MAOB: variants seen among roughly 807,000 people sequenced by gnomAD.
MAOB encodes monoamine oxidase B, also known as amine oxidase [flavin-containing] B.
A neutral mutation model predicts 41.9 loss-of-function variants in MAOB; 15 were observed. That is an observed-to-expected ratio of 0.36 (90% CI 0.24 to 0.55). The LOEUF (loss-of-function observed/expected upper bound fraction) is 0.55. Among genes scored for constraint, MAOB ranks in the 20% least tolerant of loss-of-function variants. MAOB has a pLI of 0.86. For missense variants in MAOB, 345 were observed against 398.7 expected (o/e 0.87, Z 1.15); for synonymous variants, 167 against 144.2 (o/e 1.16, Z -1.13).
intron 1 of MAOB, among the ~76,000 whole-genome samples, chrX:43,854,640 G>T (rs892007863): frequency 1.8e-5 from 2 of 111,680 alleles, no homozygotes; most frequent in Non-Finnish European, 3.8e-5. Flanking sequence ...TAACAAACCT[G>T]CATGTTCTGC....
chrX:43,834,819 C>T (rs987207779), intron 3 of MAOB, among the ~76,000 whole-genome samples: 1 of 112,344 alleles, frequency 8.9e-6, no homozygotes, highest in African/African-American at 3.2e-5. Context: ...TTGTTTCTGC[C>T]CACTGGGAAG....
intron 1 of MAOB, among the ~76,000 whole-genome samples, chrX:43,855,902 G>A (rs906245421): frequency 4.5e-5 from 5 of 111,459 alleles, no homozygotes; most frequent in African/African-American, 1.6e-4. Flanking sequence ...CCCTGCTTTA[G>A]TCTACAGTCG....
intron 9 of MAOB, among the ~76,000 whole-genome samples, 184 bp from the exon 10 acceptor site, chrX:43,780,579 C>A (rs1056636877): frequency 2.7e-5 from 3 of 112,083 alleles, no homozygotes. Context: ...CACTGAAGAG[C>A]ACTTTCTAAC....
intron 1 of MAOB, among the ~76,000 whole-genome samples, chrX:43,845,305 A>G (rs910274778): frequency 1.8e-5 from 2 of 112,043 alleles, no homozygotes; most frequent in African/African-American, 6.5e-5. Flanking sequence ...CTCATGCCTT[A>G]CAACGTAAAT....
chrX:43,810,443 ATTG>A (rs768753906), intron 3 of MAOB, among the ~76,000 whole-genome samples: 26 of 110,059 alleles, frequency 2.4e-4, no homozygotes, highest in Non-Finnish European at 4.4e-4. Flanking sequence ...TAGGGTTATT[ATTG>A]TTATTTTAAG....
At chrX:43,877,795 G>C (rs183384831) in intron 1 of MAOB, among the ~76,000 whole-genome samples, 3 of 111,885 alleles carry the variant, frequency 2.7e-5, no homozygotes, top group African/African-American at 9.7e-5. Context: ...GGCCCCTTGC[G>C]GGGGGATAAA....
At chrX:43,810,581 A>G (rs1450693514) in intron 3 of MAOB, among the ~76,000 whole-genome samples, 1 of 110,862 alleles carries the variant, frequency 9.0e-6, no homozygotes, top group South Asian at 3.8e-4. Flanking sequence ...TTAAGACCCT[A>G]AAACTTAAAG....
chrX:43,789,782 G>C (rs2034441798), intron 8 of MAOB, among the ~76,000 whole-genome samples: 1 of 112,114 alleles, frequency 8.9e-6, no homozygotes, highest in African/African-American at 3.2e-5. Context: ...ACACACAGGA[G>C]ATGACCATGT....
chrX:43,771,160 C>T (rs1217772082), intron 12 of MAOB, among the ~76,000 whole-genome samples: 1 of 111,920 alleles, frequency 8.9e-6, no homozygotes, highest in Non-Finnish European at 1.9e-5. Context: ...AGATGGTCTC[C>T]AACGTATAAT....
intron 8 of MAOB, among the ~76,000 whole-genome samples, chrX:43,787,265 T>C (rs956323976): frequency 1.3e-4 from 15 of 111,303 alleles, no homozygotes; most frequent in Non-Finnish European, 2.4e-4. Flanking sequence ...TTTTGTAATG[T>C]AGGGGTGTGG....
intron 6 of MAOB, among the ~76,000 whole-genome samples, chrX:43,796,142 C>T (rs2034525017): frequency 8.9e-6 from 1 of 111,780 alleles, no homozygotes; most frequent in Admixed American, 9.5e-5. Context: ...TTCAGAATGA[C>T]CCCTGTATCC....
At chrX:43,879,843 C>T (rs2035462511) in intron 1 of MAOB, among the ~76,000 whole-genome samples, 1 of 112,241 alleles carries the variant, frequency 8.9e-6, no homozygotes, top group Non-Finnish European at 1.9e-5. Context: ...CAATGAAGTT[C>T]TTAAGTTATC....
At chrX:43,840,054 G>A (rs191789511) in intron 2 of MAOB, among the ~76,000 whole-genome samples, 29 of 112,187 alleles carry the variant, frequency 2.6e-4, no homozygotes, top group African/African-American at 8.1e-4. Flanking sequence ...TTTGCCATAC[G>A]ACAAAGGTAA....
intron 3 of MAOB, 28 bp from the exon 4 acceptor site, chrX:43,803,432 G>A: frequency 1.7e-6 from 2 of 1,160,082 alleles, no homozygotes; most frequent in Non-Finnish European, 2.3e-6. Flanking sequence ...TTTTTAAAAG[G>A]AAATATTTAC....
At chrX:43,818,069 A>C (rs1438077586) in intron 3 of MAOB, among the ~76,000 whole-genome samples, 1 of 112,295 alleles carries the variant, frequency 8.9e-6, no homozygotes, top group African/African-American at 3.2e-5. Flanking sequence ...TTTAGTGGCC[A>C]GAAGAGATTC....
chrX:43,793,679 T>A, intron 7 of MAOB, 101 bp from the exon 8 acceptor site: 1 of 714,569 alleles, frequency 1.4e-6, no homozygotes, highest in Non-Finnish European at 2.1e-6. Context: ...TTCAGTCTCT[T>A]AAAGAAGTGA....
chrX:43,808,812 C>T (rs2034705635), intron 3 of MAOB, among the ~76,000 whole-genome samples: 1 of 110,672 alleles, frequency 9.0e-6, no homozygotes, highest in Non-Finnish European at 1.9e-5. Context: ...TCAAGCGATT[C>T]TCCTGCCTCA....
At chrX:43,850,898 G>A (rs1379507565) in intron 1 of MAOB, among the ~76,000 whole-genome samples, 1 of 111,951 alleles carries the variant, frequency 8.9e-6, no homozygotes, top group Non-Finnish European at 1.9e-5. Flanking sequence ...GCCTTCCAAG[G>A]TCTTTCAGAA....
chrX:43,795,326 G>C (rs781223254), intron 7 of MAOB, among the ~76,000 whole-genome samples: 2 of 112,401 alleles, frequency 1.8e-5, no homozygotes, highest in Non-Finnish European at 3.8e-5. Flanking sequence ...TTGGGCAAGA[G>C]TTGTGAGAAA....
Sources: allele counts gnomAD v4.1 joint callset (sites outside exome capture counted in the v4.1 genomes callset), GRCh38; gene constraint gnomAD v4.1.1; transcripts MANE v1.5; gene names NCBI Gene and HGNC (gene_info 2026-07-23, HGNC 2026-07-21).